The following GRK3 variants were observed in gnomAD, a reference collection of about 807,000 sequenced individuals.
GRK3 encodes G protein-coupled receptor kinase 3.
A neutral mutation model predicts 95.7 loss-of-function variants in GRK3; 54 were observed. The ratio of observed to expected loss-of-function variants is 0.56; its 90% CI spans 0.45 to 0.71. The LOEUF (loss-of-function observed/expected upper bound fraction) is 0.71, where lower values mean the gene tolerates loss of function less well. GRK3 is among the 30% of genes least tolerant of loss of function. The pLI is 0.00. For synonymous variants in GRK3, 281 were observed against 290.8 expected (o/e 0.97, Z 0.34); for missense variants, 649 against 851.2 (o/e 0.76, Z 2.96).
At chr22:25,607,249 T>G (rs886459295) in intron 2 of GRK3, among the ~76,000 whole-genome samples, 10 of 152,170 alleles carry the variant, frequency 6.6e-5, no homozygotes, top group Non-Finnish European at 1.0e-4. Flanking sequence ...TATGCATGCT[T>G]TCTTATACAG....
intron 15 of GRK3, among the ~76,000 whole-genome samples, chr22:25,705,912 A>G (rs1459034157): frequency 6.6e-6 from 1 of 152,302 alleles, no homozygotes; most frequent in Admixed American, 6.5e-5. Context: ...AATGCAGGTC[A>G]TGGAGCTAGG....
At chr22:25,684,164 A>G (rs2085095590) in intron 9 of GRK3, among the ~76,000 whole-genome samples, 1 of 152,164 alleles carries the variant, frequency 6.6e-6, no homozygotes, top group Admixed American at 6.5e-5. Flanking sequence ...TCAAGTGACC[A>G]TTTATGTGTG....
chr22:25,671,419 G>C (rs867483231), intron 6 of GRK3, among the ~76,000 whole-genome samples: 1 of 152,206 alleles, frequency 6.6e-6, no homozygotes, highest in Admixed American at 6.5e-5. Context: ...AAATGTCTTT[G>C]TTAAATAGAT....
At chr22:25,630,708 C>G (rs1269220257) in intron 2 of GRK3, among the ~76,000 whole-genome samples, 1 of 152,126 alleles carries the variant, frequency 6.6e-6, no homozygotes, top group Non-Finnish European at 1.5e-5. Flanking sequence ...TCCATTTGTG[C>G]TTTTGTCTGT....
At chr22:25,700,960 A>G (rs2085254369) in intron 13 of GRK3, among the ~76,000 whole-genome samples, 1 of 152,238 alleles carries the variant, frequency 6.6e-6, no homozygotes, top group Non-Finnish European at 1.5e-5. Flanking sequence ...TTGTTTGCCC[A>G]TGAAAATGAT....
intron 3 of GRK3, chr22:25,648,536 A>G (rs934407428): frequency 8.9e-5 from 129 of 1,453,180 alleles, no homozygotes; most frequent in Middle Eastern, 5.4e-4. Flanking sequence ...AACCAGGTAC[A>G]ATGATGCCAG....
At chr22:25,625,776 A>G (rs2084623199) in intron 2 of GRK3, among the ~76,000 whole-genome samples, 1 of 152,180 alleles carries the variant, frequency 6.6e-6, no homozygotes, top group African/African-American at 2.4e-5. Context: ...AAGTACTAAA[A>G]GTCTCTGATA....
At position 25,704,151 on chromosome 22, in the gene GRK3, C is replaced by T; in HGVS notation, c.1270C>T (p.Leu424Phe). 6.2e-7 allele frequency: 1 copy of T among 1,613,802 alleles called. No homozygotes were observed. The highest frequency in any genetic ancestry group is 8.5e-7 in the Non-Finnish European group (1 of 1,179,842). ...CACCTTCTCTCCTGAACTGAAGTCC[C>T]TTTTGGAGGGCTTGCTTCAGCGAGA... is the stretch of plus-strand genomic sequence containing the variant. Reference protein sequence around the residue: ...PDTFSPELKSLLEGLLQRDVS... With the variant: ...PDTFSPELKSFLEGLLQRDVS... The change falls in exon 15 of 21, where the codon CTT becomes TTT. Residue 424 changes from leucine to phenylalanine, a missense_variant. Physicochemically the swap from Leu to Phe is conservative, Grantham distance 22. This residue lies in a region of GRK3 where 382 missense variants were observed against 493.8 expected (regional missense o/e 0.77). Coordinates refer to ENST00000324198, the MANE Select transcript of GRK3 (RefSeq NM_005160.4).
chr22:25,631,173 C>T (rs186675961), intron 2 of GRK3, among the ~76,000 whole-genome samples: 140 of 152,240 alleles, frequency 9.2e-4, no homozygotes, highest in Admixed American at 1.8e-3. Context: ...GGTTTTATAG[C>T]TATATGCTTT....
At chr22:25,651,180 CA>C (rs1289023907) in intron 3 of GRK3, among the ~76,000 whole-genome samples, 1 of 152,116 alleles carries the variant, frequency 6.6e-6, no homozygotes, top group African/African-American at 2.4e-5. Context: ...ATTTGAATAG[CA>C]GCATTAGTGG....
intron 18 of GRK3, chr22:25,714,952 C>T (rs1159268540): frequency 6.4e-6 from 1 of 155,624 alleles, no homozygotes; most frequent in Non-Finnish European, 1.4e-5. Flanking sequence ...GTTGTCATCA[C>T]CTTGAGACTC....
intron 8 of GRK3, 40 bp downstream of exon 8, chr22:25,674,568 A>C: frequency 7.2e-7 from 1 of 1,392,636 alleles, no homozygotes; most frequent in Non-Finnish European, 1.0e-6. Context: ...GGCACTATTA[A>C]AATTTTAATA....
chr22:25,706,309 A>G (rs1372719836), intron 15 of GRK3, among the ~76,000 whole-genome samples: 1 of 151,824 alleles, frequency 6.6e-6, no homozygotes, highest in African/African-American at 2.4e-5. Context: ...ATGGGTGTGC[A>G]TTTGTGTGCA....
At chr22:25,618,167 C>A (rs1308881171) in intron 2 of GRK3, among the ~76,000 whole-genome samples, 1 of 152,154 alleles carries the variant, frequency 6.6e-6, no homozygotes, top group Non-Finnish European at 1.5e-5. Context: ...CAGTGTGGGG[C>A]AAATATGAAT....
chr22:25,647,702 TA>T, intron 3 of GRK3: 1 of 1,349,716 alleles, frequency 7.4e-7, no homozygotes, highest in South Asian at 1.2e-5. Flanking sequence ...AGCAGTTATG[TA>T]GCGCCTGCAG....
chr22:25,624,518 C>G lies in GRK3; in HGVS notation c.190+20065C>G, dbSNP rs184041406. 2.3e-3 allele frequency among the ~76,000 whole-genome samples: 344 copies of G among 152,184 alleles called. 5 individuals carry two copies. The Middle Eastern group carries it at 0.027, about 12-fold the overall frequency. On this transcript the variant is annotated intron_variant, in intron 2 of 20. Coordinates refer to ENST00000324198, the MANE Select transcript of GRK3 (RefSeq NM_005160.4). ...GGTGGAGCTTGCAGTGAGCCTAGAT[C>G]ACGCCACTGCATTCCAGCCTGGGTG...
intron 11 of GRK3, among the ~76,000 whole-genome samples, 196 bp downstream of exon 11, chr22:25,687,863 CATT>C (rs1447878857): frequency 1.3e-5 from 2 of 152,190 alleles, no homozygotes; most frequent in Admixed American, 6.5e-5. Context: ...CTGTCCCTGT[CATT>C]ATTATAACCC....
chr22:25,710,897 T>C (rs2085338797), intron 16 of GRK3, among the ~76,000 whole-genome samples, 171 bp from the exon 17 acceptor site: 2 of 152,260 alleles, frequency 1.3e-5, no homozygotes, highest in Non-Finnish European at 2.9e-5. Context: ...GGCTATTGAG[T>C]GCAGTGGCTT....
At chr22:25,694,933 G>A (rs2085195036) in intron 12 of GRK3, among the ~76,000 whole-genome samples, 174 bp from the exon 13 acceptor site, 1 of 152,230 alleles carries the variant, frequency 6.6e-6, no homozygotes, top group Non-Finnish European at 1.5e-5. Context: ...AGGCAGAAAA[G>A]ATCGTTTTCC....
Sources: allele counts gnomAD v4.1 joint callset (sites outside exome capture counted in the v4.1 genomes callset), GRCh38; gene constraint gnomAD v4.1.1; regional missense constraint gnomAD v4.1.1; transcripts MANE v1.5; gene names NCBI Gene and HGNC (gene_info 2026-07-23, HGNC 2026-07-21).